APP: variants seen among roughly 807,000 people sequenced by gnomAD.
APP encodes amyloid beta precursor protein, also known as amyloid-beta precursor protein.
A neutral mutation model predicts 101.4 loss-of-function variants in APP; 31 were observed. The ratio of observed to expected loss-of-function variants is 0.31; its 90% CI spans 0.23 to 0.41. The LOEUF (loss-of-function observed/expected upper bound fraction) is 0.41. Among genes scored for constraint, APP ranks in the 10% least tolerant of loss-of-function variants. APP has a pLI of 1.00. For synonymous variants in APP, 366 were observed against 364.4 expected (o/e 1.00, Z -0.05); for missense variants, 839 against 1,003.7 (o/e 0.84, Z 2.22).
At chr21:25,897,900 TC>T (rs1331483271) in intron 15 of APP, 1 of 559,054 alleles carries the variant, frequency 1.8e-6, no homozygotes, top group African/African-American at 1.9e-5. Context: ...AAGTAAGGCT[TC>T]TGCTGCCTTT....
intron 5 of APP, among the ~76,000 whole-genome samples, chr21:26,041,865 G>A (rs2146866416): frequency 6.6e-6 from 1 of 151,812 alleles, no homozygotes; most frequent in South Asian, 2.1e-4. Context: ...CTCAAAACTG[G>A]CAGCCAGTTC....
intron 15 of APP, among the ~76,000 whole-genome samples, chr21:25,904,565 T>C (rs1273817825): frequency 2.6e-5 from 4 of 152,202 alleles, no homozygotes; most frequent in African/African-American, 4.8e-5. Flanking sequence ...CTTCAGTAAC[T>C]GATTGAAGTT....
chr21:25,991,100 G>T (rs1023693027), intron 8 of APP, among the ~76,000 whole-genome samples: 36 of 152,272 alleles, frequency 2.4e-4, no homozygotes, highest in African/African-American at 7.7e-4. Flanking sequence ...CTTATAAATT[G>T]GGAGCTAAGC....
At chr21:26,100,240 C>T (rs1048551295) in intron 2 of APP, among the ~76,000 whole-genome samples, 41 of 150,404 alleles carry the variant, frequency 2.7e-4, no homozygotes, top group African/African-American at 9.5e-4. Flanking sequence ...AAGAAATCTA[C>T]GGTCAGTAAA....
chr21:26,033,541 AG>A (rs1444411377), intron 5 of APP, among the ~76,000 whole-genome samples: 7 of 152,152 alleles, frequency 4.6e-5, no homozygotes, highest in Non-Finnish European at 8.8e-5. Flanking sequence ...ATGGTGGAGG[AG>A]GGGGTGGACT....
Position 26,112,190 on chromosome 21 carries a change from A to T in APP, c.58-44T>A, listed in dbSNP as rs200606413. On this transcript the variant is annotated intron_variant, in intron 1 of 17. Coordinates refer to ENST00000346798, the MANE Select transcript of APP (RefSeq NM_000484.4). ...GTTAGTTATAGTATCCATAGCTCCAAGGCAGAGGCTTGGAGGAAGAACAGG... is the reference window on the plus strand; with the variant it reads ...GTTAGTTATAGTATCCATAGCTCCATGGCAGAGGCTTGGAGGAAGAACAGG... 2.6e-5 allele frequency: 41 copies of T among 1,598,958 alleles called. No homozygotes were observed. In the African/African-American group the frequency reaches 5.1e-4, roughly 20 times the overall value.
chr21:25,909,585 GTGTGT>G (rs2038966049), intron 14 of APP, among the ~76,000 whole-genome samples: 1 of 152,108 alleles, frequency 6.6e-6, no homozygotes, highest in Non-Finnish European at 1.5e-5. Context: ...CAGTGTATGT[GTGTGT>G]GTGTACATTC....
At chr21:25,910,682 T>C (rs1453277324) in intron 14 of APP, among the ~76,000 whole-genome samples, 3 of 152,226 alleles carry the variant, frequency 2.0e-5, no homozygotes, top group East Asian at 1.9e-4. Context: ...AATTTGTTGA[T>C]AGAGAAGAAT....
chr21:26,040,052 A>C (rs2045303794), intron 5 of APP, among the ~76,000 whole-genome samples: 1 of 152,202 alleles, frequency 6.6e-6, no homozygotes, highest in African/African-American at 2.4e-5. Flanking sequence ...ATGGGACCCA[A>C]GTATAAACAT....
chr21:26,004,809 A>AC (rs1390984844), intron 6 of APP, among the ~76,000 whole-genome samples: 6 of 40,962 alleles, frequency 1.5e-4, no homozygotes, highest in Admixed American at 5.6e-4. Context: ...CCAACCCCCC[A>AC]CCCCCCCAAC....
intron 1 of APP, among the ~76,000 whole-genome samples, chr21:26,147,087 A>G (rs867028002): frequency 5.3e-5 from 8 of 152,080 alleles, no homozygotes; most frequent in African/African-American, 9.7e-5. Flanking sequence ...TTTAATTTCT[A>G]TATCTTTACA....
At position 25,974,998 on chromosome 21, in the gene APP, C is replaced by T. The variant is rs1601084690; in HGVS notation, c.1458+72G>A. On this transcript the variant is annotated intron_variant, in intron 11 of 17. Coordinates refer to ENST00000346798, the MANE Select transcript of APP (RefSeq NM_000484.4). ...CTCCTCATTCTTTTTGTATGGCTTC[C>T]AGTTCCCAGTGCCCCACCCTTACTG... 5.0e-6 allele frequency: 8 copies of T among 1,597,858 alleles called. No individual in the cohort carries two copies. In the East Asian group the frequency reaches 1.8e-4, roughly 36 times the overall value.
chr21:26,002,157 A>G (rs1368609670), intron 6 of APP, among the ~76,000 whole-genome samples: 1 of 152,194 alleles, frequency 6.6e-6, no homozygotes, highest in African/African-American at 2.4e-5. Flanking sequence ...CCACGTTTCC[A>G]TCTGAAAACC....
intron 17 of APP, among the ~76,000 whole-genome samples, chr21:25,884,983 C>T: frequency 6.6e-6 from 1 of 152,262 alleles, no homozygotes; most frequent in East Asian, 1.9e-4. Context: ...AGACCTCTAA[C>T]TCTCCTGTCT....
intron 13 of APP, among the ~76,000 whole-genome samples, chr21:25,943,313 G>A (rs898506537): frequency 3.3e-5 from 5 of 151,874 alleles, no homozygotes; most frequent in Admixed American, 2.6e-4. Flanking sequence ...GCACCACCAC[G>A]CCTGGATAAT....
intron 13 of APP, among the ~76,000 whole-genome samples, chr21:25,920,999 G>A (rs1003515545): frequency 1.4e-5 from 2 of 146,884 alleles, no homozygotes. Flanking sequence ...CTCAGCAAAT[G>A]TAAAAGAACA....
intron 1 of APP, among the ~76,000 whole-genome samples, chr21:26,164,264 A>C (rs1412871927): frequency 1.3e-5 from 2 of 152,204 alleles, no homozygotes; most frequent in Non-Finnish European, 2.9e-5. Flanking sequence ...ACAAAACAAA[A>C]AATTCATTTT....
chr21:26,075,240 G>T (rs565629999), intron 3 of APP, among the ~76,000 whole-genome samples: 3 of 152,260 alleles, frequency 2.0e-5, no homozygotes, highest in Admixed American at 6.5e-5. Context: ...GAATATTTCA[G>T]TGAATTGACA....
intron 2 of APP, among the ~76,000 whole-genome samples, chr21:26,109,574 T>G (rs1427578110): frequency 2.0e-5 from 3 of 152,162 alleles, no homozygotes. Flanking sequence ...AATTACCCAG[T>G]CTCAGGTAGT....
Sources: gnomAD v4.1 joint callset for allele counts (sites outside exome capture counted in the v4.1 genomes callset) on GRCh38, gnomAD v4.1.1 for gene constraint, MANE v1.5 for transcripts, NCBI Gene and HGNC (gene_info 2026-07-23, HGNC 2026-07-21) for gene names.